The following ADAMTS9 variants were observed in gnomAD, a reference collection of about 807,000 sequenced individuals.
ADAMTS9 encodes ADAM metallopeptidase with thrombospondin type 1 motif 9.
In ADAMTS9, 107 loss-of-function variants were observed where a neutral mutation model predicts 257.1. That is an observed-to-expected ratio of 0.42 (90% CI 0.36 to 0.49). ADAMTS9 has a LOEUF of 0.49. ADAMTS9 is among the 20% of genes least tolerant of loss of function. The pLI is 0.03. For missense variants in ADAMTS9, 2,353 were observed against 2,469.1 expected (o/e 0.95, Z 1.00); for synonymous variants, 982 against 880.9 (o/e 1.11, Z -2.03).
intron 20 of ADAMTS9, among the ~76,000 whole-genome samples, 192 bp from the exon 21 acceptor site, chr3:64,615,677 C>A (rs969561376): frequency 6.6e-6 from 1 of 152,098 alleles, no homozygotes; most frequent in Non-Finnish European, 1.5e-5. Flanking sequence ...AAAATTAGCT[C>A]ATTGGCATAT....
At chr3:64,641,698 T>C in intron 12 of ADAMTS9, 150 bp downstream of exon 12, 1 of 917,698 alleles carries the variant, frequency 1.1e-6, no homozygotes, top group Non-Finnish European at 1.6e-6. Flanking sequence ...GGAATAGACT[T>C]TGGGTACCGT....
At chr3:64,547,336 T>G (rs2083214049) in intron 31 of ADAMTS9, among the ~76,000 whole-genome samples, 1 of 82,932 alleles carries the variant, frequency 1.2e-5, no homozygotes, top group Non-Finnish European at 2.6e-5. Context: ...ACCACCAAAT[T>G]GGGAAGGGAA....
At chr3:64,665,977 T>C (rs1559819043) in intron 3 of ADAMTS9, among the ~76,000 whole-genome samples, 1 of 152,198 alleles carries the variant, frequency 6.6e-6, no homozygotes. Flanking sequence ...ATCGATTTTG[T>C]GCCAAGTACT....
chr3:64,544,423 C>T (rs2083169776), intron 32 of ADAMTS9, among the ~76,000 whole-genome samples: 1 of 152,230 alleles, frequency 6.6e-6, no homozygotes, highest in South Asian at 2.1e-4. Flanking sequence ...GAGACATAGA[C>T]CAATGGAACA....
chr3:64,672,023 T>C (rs1227117123), intron 3 of ADAMTS9, among the ~76,000 whole-genome samples: 2 of 152,194 alleles, frequency 1.3e-5, no homozygotes, highest in African/African-American at 4.8e-5. Context: ...AACTTTGCCA[T>C]GTCTTACTTT....
chr3:64,647,856 T>C (rs1467211128), intron 11 of ADAMTS9, 84 bp downstream of exon 11: 3 of 1,194,594 alleles, frequency 2.5e-6, no homozygotes, highest in Non-Finnish European at 3.6e-6. Flanking sequence ...TGTCTTATAT[T>C]CTAAACATCG....
At chr3:64,667,562 C>T (rs1444297746) in intron 3 of ADAMTS9, among the ~76,000 whole-genome samples, 1 of 152,092 alleles carries the variant, frequency 6.6e-6, no homozygotes, top group Non-Finnish European at 1.5e-5. Flanking sequence ...CTGAGGGTCC[C>T]CTCAATACCT....
At chr3:64,640,356 T>C (rs1041766125) in intron 12 of ADAMTS9, among the ~76,000 whole-genome samples, 45 of 152,340 alleles carry the variant, frequency 3.0e-4, no homozygotes, top group African/African-American at 1.0e-3. Context: ...ATAGAAAAGA[T>C]TCGGAAGCTT....
intron 14 of ADAMTS9, 32 bp downstream of exon 14, chr3:64,633,440 A>C: frequency 2.5e-6 from 4 of 1,612,082 alleles, no homozygotes; most frequent in Non-Finnish European, 3.4e-6. Flanking sequence ...CAGCGGGAAA[A>C]CACAGTGAAG....
In ADAMTS9 at chr3:64,597,128, A is replaced by G. The variant is rs947961702; in HGVS notation, c.4018-137T>C. On this transcript the variant is annotated intron_variant, in intron 26 of 39. Coordinates refer to ENST00000498707, the MANE Select transcript of ADAMTS9 (RefSeq NM_182920.2). Reference sequence around the variant, plus strand: ...CCACGAAGGACAAAAAGCAATCAGGAAAACCCAAGAACTTCCCCACTGTGG... The same window carrying G: ...CCACGAAGGACAAAAAGCAATCAGGGAAACCCAAGAACTTCCCCACTGTGG... 52 of 1,177,146 alleles carry G rather than the reference A, an allele frequency of 4.4e-5. No individual in the cohort carries two copies. The African/African-American group carries it at 8.0e-4, about 18-fold the overall frequency. The allele number at this position is 1,177,146 out of a possible 1,614,324, so 72.9% of individuals were successfully genotyped here. A position where few individuals can be genotyped will look rare whatever the true frequency, so the allele number is the denominator to read the frequency against.
chr3:64,666,025 A>C (rs1272595337), intron 3 of ADAMTS9, among the ~76,000 whole-genome samples: 6 of 151,848 alleles, frequency 4.0e-5, no homozygotes, highest in African/African-American at 1.4e-4. Flanking sequence ...GCAATGACAA[A>C]ACAAGAATAA....
At chr3:64,593,960 GAT>G (rs1491131097) in intron 28 of ADAMTS9, among the ~76,000 whole-genome samples, 10 of 69,322 alleles carry the variant, frequency 1.4e-4, no homozygotes, top group African/African-American at 5.0e-4. Flanking sequence ...GTGTGTGTAT[GAT>G]GTGTGTGTGT....
intron 18 of ADAMTS9, 68 bp downstream of exon 18, chr3:64,622,130 T>C: frequency 1.3e-6 from 2 of 1,486,022 alleles, no homozygotes; most frequent in Non-Finnish European, 1.8e-6. Flanking sequence ...ATTTGGCTGT[T>C]ATTAAAAATA....
intron 26 of ADAMTS9, among the ~76,000 whole-genome samples, chr3:64,601,540 A>T (rs979848835): frequency 3.9e-5 from 6 of 152,146 alleles, no homozygotes; most frequent in African/African-American, 1.4e-4. Flanking sequence ...TTGAGACTGC[A>T]CCCTTCTGGA....
chr3:64,631,735 A>G, intron 15 of ADAMTS9, 73 bp downstream of exon 15: 1 of 1,371,270 alleles, frequency 7.3e-7, no homozygotes, highest in Non-Finnish European at 1.0e-6. Context: ...ATATTTTTGC[A>G]TATTACATGT....
intron 27 of ADAMTS9, among the ~76,000 whole-genome samples, chr3:64,596,409 A>G (rs1447530806): frequency 6.6e-6 from 1 of 152,174 alleles, no homozygotes; most frequent in Admixed American, 6.5e-5. Context: ...CACCTACTCA[A>G]TCTGGCTTCA....
intron 21 of ADAMTS9, 69 bp downstream of exon 21, chr3:64,615,252 A>G (rs767920124): frequency 2.3e-5 from 35 of 1,551,246 alleles, no homozygotes; most frequent in Middle Eastern, 1.7e-4. Flanking sequence ...TTTGTCTTAA[A>G]CAGATAGAGA....
chr3:64,550,094 A>T (rs2083251322), intron 31 of ADAMTS9: 1 of 152,170 alleles, frequency 6.6e-6, no homozygotes. Flanking sequence ...ACTGCTACAG[A>T]TCTCTCATAC....
chr3:64,613,070 G>C (rs561676335), intron 22 of ADAMTS9, among the ~76,000 whole-genome samples: 1 of 152,264 alleles, frequency 6.6e-6, no homozygotes, highest in Admixed American at 6.5e-5. Context: ...AATCTGTTGT[G>C]AATTTGTTCA....
Sources: gnomAD v4.1 joint callset for allele counts (sites outside exome capture counted in the v4.1 genomes callset) on GRCh38, gnomAD v4.1.1 for gene constraint, MANE v1.5 for transcripts, NCBI Gene and HGNC (gene_info 2026-07-23, HGNC 2026-07-21) for gene names.